Variants in DCAF8L2 observed in about 807,000 individuals in gnomAD.
The protein encoded by DCAF8L2 is DDB1- and CUL4-associated factor 8-like protein 2.
For missense variants in DCAF8L2, 430 were observed against 490.7 expected, an observed-to-expected ratio of 0.88 and a Z score of 1.17; for synonymous variants, 200 against 190.9, an observed-to-expected ratio of 1.05 and a Z score of -0.39.
the DCAF8L2 span, among the ~76,000 whole-genome samples, chrX:27,567,909 G>T: frequency 9.1e-6 from 1 of 110,436 alleles, no homozygotes; most frequent in Non-Finnish European, 1.9e-5. Flanking sequence ...AAAATACTTT[G>T]AGTTGATTAT....
At chrX:27,496,217 T>A in the DCAF8L2 span, among the ~76,000 whole-genome samples, 1 of 112,040 alleles carries the variant, frequency 8.9e-6, no homozygotes, top group African/African-American at 3.2e-5. Flanking sequence ...ACATTGTTAT[T>A]ATATAGAAAT....
chrX:27,485,530 G>A, the DCAF8L2 span, among the ~76,000 whole-genome samples: 45 of 111,248 alleles, frequency 4.0e-4, no homozygotes, highest in African/African-American at 1.4e-3. Context: ...AAATAATAAA[G>A]TAAAAATACT....
chrX:27,547,219 G>A, the DCAF8L2 span, among the ~76,000 whole-genome samples: 2 of 111,816 alleles, frequency 1.8e-5, no homozygotes, highest in East Asian at 5.7e-4. Context: ...GACCACCTCA[G>A]CCAGGACTTC....
At chrX:27,547,891 T>TCTTTCTCTCTCTCTCTCTCTCTTTCTC in the DCAF8L2 span, among the ~76,000 whole-genome samples, 3 of 57,194 alleles carry the variant, frequency 5.2e-5, no homozygotes, top group African/African-American at 2.0e-4. Flanking sequence ...CTCTCTCTCT[T>TCTTTCTCTCTCTCTCTCTCTCTTTCTC]TCTCTCTCTC....
In DCAF8L2 at chrX:27,748,355, G is replaced by C. The variant is rs1288803692; in HGVS notation, c.1460G>C (p.Ser487Thr). 1 of 1,207,264 alleles carries C rather than the reference G, an allele frequency of 8.3e-7. No homozygotes were observed. The highest frequency in any genetic ancestry group is 1.8e-5 in the South Asian group (1 of 56,379). The change falls in exon 5 of 5, where the codon AGC (serine) becomes ACC (threonine). Residue 487 changes from serine to threonine, a missense_variant. Physicochemically the swap from Ser to Thr is moderately conservative, Grantham distance 58 (BLOSUM62 1). Coordinates refer to ENST00000451261, the MANE Select transcript of DCAF8L2 (RefSeq NM_001353450.2). ...FYGPRSEFVV[S>T]GSDCGHIFFW... Reference sequence around the variant, plus strand: ...GGCCCCAGGAGTGAGTTTGTAGTGAGCGGTAGTGATTGCGGGCACATCTTC... The same window carrying C: ...GGCCCCAGGAGTGAGTTTGTAGTGACCGGTAGTGATTGCGGGCACATCTTC...
chrX:27,561,914 A>G, the DCAF8L2 span, among the ~76,000 whole-genome samples: 6 of 111,556 alleles, frequency 5.4e-5, no homozygotes, highest in Non-Finnish European at 1.1e-4. Context: ...AATATGTTTC[A>G]TTTCTTAGGT....
intron 4 of DCAF8L2, among the ~76,000 whole-genome samples, chrX:27,732,889 C>T (rs975772597): frequency 2.3e-4 from 25 of 110,963 alleles, no homozygotes; most frequent in African/African-American, 7.2e-4. Context: ...GAAGGAGTCT[C>T]GCTCTGTTGC....
the DCAF8L2 span, among the ~76,000 whole-genome samples, chrX:27,546,154 T>G: frequency 9.2e-6 from 1 of 108,917 alleles, no homozygotes; most frequent in African/African-American, 3.3e-5. Flanking sequence ...AATGGGATAA[T>G]TGGCCAAAAC....
chrX:27,519,424 A>G, the DCAF8L2 span: 1 of 1,130,740 alleles, frequency 8.8e-7, no homozygotes, highest in Non-Finnish European at 1.2e-6. Flanking sequence ...TGCTGAATTC[A>G]CTGCCAAGAT....
chrX:27,720,452 C>A, intron 4 of DCAF8L2, among the ~76,000 whole-genome samples: 1 of 110,886 alleles, frequency 9.0e-6, no homozygotes, highest in Middle Eastern at 4.7e-3. Context: ...CGGCTCACTG[C>A]AAGCTCTGCC....
chrX:27,505,576 AG>A, the DCAF8L2 span, among the ~76,000 whole-genome samples: 1 of 111,708 alleles, frequency 9.0e-6, no homozygotes, highest in Non-Finnish European at 1.9e-5. Context: ...ATAGTATGGT[AG>A]GTTTGGCTCC....
the DCAF8L2 span, among the ~76,000 whole-genome samples, chrX:27,488,802 C>T: frequency 3.4e-4 from 37 of 109,880 alleles, no homozygotes; most frequent in African/African-American, 1.2e-3. Context: ...ACTACAGGCA[C>T]GCGCCACCAT....
intron 1 of DCAF8L2, among the ~76,000 whole-genome samples, chrX:27,590,705 C>T (rs1452426903): frequency 2.7e-5 from 3 of 110,612 alleles, no homozygotes; most frequent in East Asian, 5.7e-4. Context: ...CTCACCAGAA[C>T]TTTCTAATAC....
At chrX:27,559,630 C>T in the DCAF8L2 span, among the ~76,000 whole-genome samples, 66 of 111,972 alleles carry the variant, frequency 5.9e-4, no homozygotes, top group Middle Eastern at 9.2e-3. Context: ...CCTCTGCCAC[C>T]GTGGCTACAT....
chrX:27,658,626 A>G (rs1444807618), intron 2 of DCAF8L2, among the ~76,000 whole-genome samples: 1 of 112,116 alleles, frequency 8.9e-6, no homozygotes, highest in Non-Finnish European at 1.9e-5. Context: ...GGAAACTGAG[A>G]GCATGGCTGA....
At chrX:27,659,752 C>T (rs1929486685) in intron 2 of DCAF8L2, among the ~76,000 whole-genome samples, 1 of 110,159 alleles carries the variant, frequency 9.1e-6, no homozygotes. Context: ...TCACTGAATT[C>T]TTCAGTTTCA....
At chrX:27,486,363 A>G in the DCAF8L2 span, among the ~76,000 whole-genome samples, 14 of 111,286 alleles carry the variant, frequency 1.3e-4, no homozygotes, top group Non-Finnish European at 1.7e-4. Context: ...TAGGATTTCA[A>G]TATTTGAAAT....
the DCAF8L2 span, among the ~76,000 whole-genome samples, chrX:27,530,817 C>G: frequency 9.0e-6 from 1 of 111,731 alleles, no homozygotes; most frequent in African/African-American, 3.3e-5. Flanking sequence ...GTGATATATG[C>G]TACCCCTGGG....
intron 3 of DCAF8L2, among the ~76,000 whole-genome samples, chrX:27,702,451 C>CAA (rs79297424): frequency 5.9e-5 from 6 of 102,453 alleles, no homozygotes; most frequent in South Asian, 4.3e-4. Flanking sequence ...CCAAAATCCT[C>CAA]AAAAAAAAAA....
Sources: allele counts gnomAD v4.1 joint callset (sites outside exome capture counted in the v4.1 genomes callset), GRCh38; gene constraint gnomAD v4.1.1; transcripts MANE v1.5; gene names NCBI Gene and HGNC (gene_info 2026-07-23, HGNC 2026-07-21).